The following RMP64 variants were observed in gnomAD, a reference collection of about 807,000 sequenced individuals.
RMP64 encodes the protein nucleolus and neural progenitor protein.
the RMP64 span, among the ~76,000 whole-genome samples, chr3:113,009,768 A>G: frequency 6.6e-6 from 1 of 152,222 alleles, no homozygotes; most frequent in Non-Finnish European, 1.5e-5. Context: ...ATATAATTAC[A>G]TGACTTCATG....
At chr3:113,019,653 G>A in the RMP64 span, 1 of 1,611,274 alleles carries the variant, frequency 6.2e-7, no homozygotes, top group Non-Finnish European at 8.5e-7. Flanking sequence ...ATCATGCGAG[G>A]CGGGGGGACT....
the RMP64 span, among the ~76,000 whole-genome samples, chr3:113,010,047 CAG>C: frequency 2.7e-5 from 4 of 149,262 alleles, no homozygotes; most frequent in Non-Finnish European, 4.4e-5. Flanking sequence ...CCAGAACAAA[CAG>C]AATTTACAGA....
At chr3:113,015,712 C>G in the RMP64 span, among the ~76,000 whole-genome samples, 3 of 152,090 alleles carry the variant, frequency 2.0e-5, no homozygotes, top group African/African-American at 7.2e-5. Context: ...GTGGTAATAG[C>G]AGCTGCAGCA....
the RMP64 span, chr3:113,012,561 C>A: frequency 2.1e-6 from 1 of 480,604 alleles, no homozygotes; most frequent in Non-Finnish European, 3.7e-6. Flanking sequence ...TTTGATACAG[C>A]CATCAGCACT....
At chr3:113,012,556 T>C in the RMP64 span, 2 of 468,468 alleles carry the variant, frequency 4.3e-6, no homozygotes, top group Non-Finnish European at 7.5e-6. Context: ...ACTCCTTTGA[T>C]ACAGCCATCA....
the RMP64 span, among the ~76,000 whole-genome samples, chr3:113,016,134 G>C: frequency 1.3e-5 from 2 of 151,986 alleles, no homozygotes; most frequent in African/African-American, 2.4e-5. Context: ...AGAGAAGCCC[G>C]AACTAAGAAG....
the RMP64 span, chr3:113,005,121 A>C: frequency 1.9e-5 from 4 of 216,054 alleles, no homozygotes; most frequent in South Asian, 3.2e-4. Flanking sequence ...AATAAGACCA[A>C]ATTGACCTTT....
chr3:113,009,904 C>A, the RMP64 span, among the ~76,000 whole-genome samples: 1 of 150,498 alleles, frequency 6.6e-6, no homozygotes, highest in African/African-American at 2.4e-5. Flanking sequence ...TTTAAGAATT[C>A]TTAAATAAAA....
At chr3:113,006,453 AAG>A in the RMP64 span, among the ~76,000 whole-genome samples, 1,139 of 152,340 alleles carry the variant, frequency 7.5e-3, 19 homozygotes, top group African/African-American at 0.026. Flanking sequence ...AATAAAGGCT[AAG>A]AGGGGTTTAT....
At chr3:113,008,634 T>G in the RMP64 span, 1 of 436,810 alleles carries the variant, frequency 2.3e-6, no homozygotes. Context: ...TAAATATATA[T>G]ACCTGCTACG....
At chr3:113,014,029 C>T in the RMP64 span, 2 of 1,608,636 alleles carry the variant, frequency 1.2e-6, no homozygotes, top group Non-Finnish European at 1.7e-6. Context: ...AAACATTGCT[C>T]AACCTGAAAG....
the RMP64 span, chr3:113,019,395 G>T: frequency 1.6e-6 from 1 of 644,000 alleles, no homozygotes; most frequent in East Asian, 2.7e-5. Context: ...AAAGTGCTGG[G>T]ACCGCTCGAC....
chr3:113,013,468 T>A, the RMP64 span: 1 of 1,417,194 alleles, frequency 7.1e-7, no homozygotes, highest in Non-Finnish European at 9.6e-7. Flanking sequence ...TTTTGTTTTT[T>A]TTTTTTTTAC....
chr3:113,006,567 T>A, the RMP64 span, among the ~76,000 whole-genome samples: 6 of 152,182 alleles, frequency 3.9e-5, no homozygotes, highest in African/African-American at 1.2e-4. Context: ...AATTCAGAAA[T>A]CAAACAGCTG....
the RMP64 span, chr3:113,017,329 A>ATTAT: frequency 2.4e-6 from 2 of 839,024 alleles, no homozygotes; most frequent in Non-Finnish European, 3.7e-6. Flanking sequence ...TAGGCCTATA[A>ATTAT]AACACAAGTA....
chr3:113,008,424 T>C, the RMP64 span: 4 of 1,609,384 alleles, frequency 2.5e-6, no homozygotes, highest in Non-Finnish European at 3.4e-6. Context: ...AAATCAAAAC[T>C]GGTCTCCTGA....
the RMP64 span, chr3:113,011,160 T>C: frequency 1.1e-5 from 17 of 1,613,718 alleles, no homozygotes; most frequent in South Asian, 1.8e-4. Flanking sequence ...CACTGGCTCT[T>C]GGTGACTGCT....
At chr3:113,017,679 A>T in the RMP64 span, 4 of 1,310,474 alleles carry the variant, frequency 3.1e-6, no homozygotes, top group Non-Finnish European at 4.3e-6. Flanking sequence ...CACTAAAAAA[A>T]GCATCTTTCC....
At chr3:113,008,556 AGTG>A in the RMP64 span, 1 of 748,540 alleles carries the variant, frequency 1.3e-6, no homozygotes, top group Non-Finnish European at 2.2e-6. Context: ...AAATGCTTGA[AGTG>A]ATGGATACCC....
Sources: allele counts gnomAD v4.1 joint callset (sites outside exome capture counted in the v4.1 genomes callset), GRCh38; gene constraint gnomAD v4.1.1; transcripts MANE v1.5; gene names NCBI Gene and HGNC (gene_info 2026-07-23, HGNC 2026-07-21).